The following KCTD1 variants were observed in gnomAD, a reference collection of about 807,000 sequenced individuals.
The protein encoded by KCTD1 is BTB/POZ domain-containing protein KCTD1.
KCTD1 carries 24 observed loss-of-function variants against 66.0 expected under a neutral mutation model. The ratio of observed to expected loss-of-function variants is 0.36; its 90% CI spans 0.26 to 0.51. KCTD1 has a LOEUF of 0.51. KCTD1 is among the 20% of genes least tolerant of loss of function. KCTD1 has a pLI of 0.95. For missense variants in KCTD1, 943 were observed against 1,205.2 expected (o/e 0.78, Z 3.22); for synonymous variants, 511 against 517.2 (o/e 0.99, Z 0.16).
At chr18:26,533,646 GTGCCACCA>G (rs1984552232) in intron 1 of KCTD1, among the ~76,000 whole-genome samples, 1 of 152,038 alleles carries the variant, frequency 6.6e-6, no homozygotes, top group South Asian at 2.1e-4. Flanking sequence ...CTACAGGCAT[GTGCCACCA>G]TGCTGGGCTA....
intron 1 of KCTD1, among the ~76,000 whole-genome samples, chr18:26,607,105 G>T (rs1433193471): frequency 1.3e-5 from 2 of 152,146 alleles, no homozygotes; most frequent in Non-Finnish European, 2.9e-5. Context: ...CACAATCATA[G>T]CTCACTGTCA....
At chr18:26,585,764 C>A (rs901216788) in intron 1 of KCTD1, among the ~76,000 whole-genome samples, 1 of 151,968 alleles carries the variant, frequency 6.6e-6, no homozygotes, top group Non-Finnish European at 1.5e-5. Context: ...TAATAAGCAC[C>A]CTTTGGACAG....
intron 1 of KCTD1, among the ~76,000 whole-genome samples, chr18:26,539,732 T>C (rs773865484): frequency 8.5e-5 from 13 of 152,194 alleles, no homozygotes; most frequent in Non-Finnish European, 1.5e-4. Flanking sequence ...AATGTGGAAA[T>C]AATTCATGTT....
At chr18:26,552,412 A>G (rs1192227616), upstream of KCTD1, among the ~76,000 whole-genome samples, 1 of 152,246 alleles carries the variant, frequency 6.6e-6, no homozygotes. Flanking sequence ...GCCTGGGGAC[A>G]TGGTGAGCAC....
chr18:26,620,348 TAAAAAAAAAAAAA>T (rs10594272), intron 1 of KCTD1, among the ~76,000 whole-genome samples: 27 of 87,204 alleles, frequency 3.1e-4, no homozygotes, highest in African/African-American at 1.2e-3. Context: ...AGGTAAATCT[TAAAAAAAAAAAAA>T]AAAAAAAAAA....
chr18:26,572,128 C>A (rs558230926), intron 1 of KCTD1, among the ~76,000 whole-genome samples: 1 of 150,802 alleles, frequency 6.6e-6, no homozygotes, highest in Non-Finnish European at 1.5e-5. Flanking sequence ...GGCTCAATCT[C>A]GGTTCACTGC....
chr18:26,533,491 T>A (rs912078948), intron 1 of KCTD1, among the ~76,000 whole-genome samples: 1 of 152,162 alleles, frequency 6.6e-6, no homozygotes, highest in African/African-American at 2.4e-5. Context: ...TTGGATGAGA[T>A]CTTTTCTAGC....
intron 1 of KCTD1, among the ~76,000 whole-genome samples, chr18:26,654,752 T>C (rs1188063413): frequency 6.6e-6 from 1 of 152,210 alleles, no homozygotes; most frequent in Non-Finnish European, 1.5e-5. Context: ...CCAATGAAGT[T>C]TTCTCCGTGA....
chr18:26,504,799 T>C (rs3893676), intron 1 of KCTD1, among the ~76,000 whole-genome samples: 11,424 of 152,290 alleles, frequency 0.075, 505 homozygotes, highest in Middle Eastern at 0.13. Context: ...AGATGTTTCA[T>C]CTAACACAAT....
At chr18:26,545,445 C>T (rs1357787092) in intron 1 of KCTD1, 1 of 152,182 alleles carries the variant, frequency 6.6e-6, no homozygotes, top group African/African-American at 2.4e-5. Flanking sequence ...TATTACCACT[C>T]GCAGCCCCTT....
chr18:26,527,171 C>T (rs1984202863), intron 1 of KCTD1, among the ~76,000 whole-genome samples: 1 of 152,122 alleles, frequency 6.6e-6, no homozygotes, highest in Non-Finnish European at 1.5e-5. Flanking sequence ...GACTGGCCCT[C>T]TGCAAGGTGG....
At chr18:26,656,545 A>G (rs926318555) in intron 1 of KCTD1, among the ~76,000 whole-genome samples, 1 of 151,736 alleles carries the variant, frequency 6.6e-6, no homozygotes, top group Non-Finnish European at 1.5e-5. Context: ...CCGGCCGGCG[A>G]CGAAGAGCGC....
chr18:26,494,656 T>C (rs1175074191), intron 2 of KCTD1, among the ~76,000 whole-genome samples: 2 of 152,166 alleles, frequency 1.3e-5, no homozygotes, highest in South Asian at 2.1e-4. Context: ...TTTACCTATA[T>C]AACTGAGGAG....
Position 26,570,191 on chromosome 18 carries a change from A to AAAATATATAT in KCTD1, c.-16+58955_-16+58956insATATATATTT, listed in dbSNP as rs776923644. Among the ~76,000 whole-genome samples, 386 of 132,522 alleles carry AAAATATATAT rather than the reference A, an allele frequency of 2.9e-3. 4 individuals are homozygous for AAAATATATAT. The highest frequency in any genetic ancestry group is 5.3e-3 in the Admixed American group (67 of 12,536). 86.9% of individuals were successfully genotyped at this position (132,522 alleles called of 152,430 possible). A position where few individuals can be genotyped will look rare whatever the true frequency, so the allele number is the denominator to read the frequency against. On this transcript the variant is annotated intron_variant, in intron 1 of 4. Coordinates refer to the KCTD1 transcript ENST00000317932. Reference sequence around the variant, plus strand: ...ACAGAGCAAGACTCCATCTAAAAAAAATATATATATATATATATATATATG... The same window carrying AAAATATATAT: ...ACAGAGCAAGACTCCATCTAAAAAAAAAATATATATATATATATATATATATATATATATG...
intron 2 of KCTD1, among the ~76,000 whole-genome samples, chr18:26,480,685 T>TG (rs1329328547): frequency 6.6e-6 from 1 of 152,144 alleles, no homozygotes; most frequent in African/African-American, 2.4e-5. Flanking sequence ...GAGAACTGCC[T>TG]GAACCCGGGA....
rs1362733812 is a variant in KCTD1 at position 26,547,162 on chromosome 18, C to A, written c.1375G>T (p.Ala459Ser). ...ATGCCCGCGATGCTGTTGAGCGTGGCGATGGAGACGGCGCCGATGCAGTGG... is the reference window on the plus strand; with the variant it reads ...ATGCCCGCGATGCTGTTGAGCGTGGAGATGGAGACGGCGCCGATGCAGTGG... ...TNHCIGAVSI[A>S]TLNSIAGIGT... Residue 459 changes from alanine (A) to serine (S), a missense_variant, in exon 1 of 5, where the codon GCC becomes TCC. Ala to Ser is a moderately conservative substitution (Grantham distance 99). Around this residue, in one of 10 missense-constraint regions of KCTD1, gnomAD observed 79 missense variants for 133.9 expected, o/e 0.59. Transcript: ENST00000580059. 2 of 1,550,954 alleles carry A rather than the reference C, an allele frequency of 1.3e-6. No homozygotes were observed. Among genetic ancestry groups the A allele is most frequent in the African/African-American group, 1.4e-5 (1 of 73,042 alleles).
chr18:26,569,968 C>T (rs1240704042), intron 1 of KCTD1, among the ~76,000 whole-genome samples: 1 of 152,098 alleles, frequency 6.6e-6, no homozygotes, highest in African/African-American at 2.4e-5. Flanking sequence ...GGGTGGATCA[C>T]CTGAGGTCAG....
At chr18:26,616,879 C>G (rs1211080564) in intron 1 of KCTD1, among the ~76,000 whole-genome samples, 1 of 152,196 alleles carries the variant, frequency 6.6e-6, no homozygotes, top group Non-Finnish European at 1.5e-5. Flanking sequence ...TGGTGATGGA[C>G]AGAGACCTTG....
At position 26,476,180 on chromosome 18, in the gene KCTD1, G is replaced by A. The variant is rs940735237; in HGVS notation, c.2133+335C>T. 3.9e-5 allele frequency among the ~76,000 whole-genome samples: 6 copies of A among 152,128 alleles called. No individual in the cohort carries two copies. The highest frequency in any genetic ancestry group is 4.8e-5 in the African/African-American group (2 of 41,418). On this transcript the variant is annotated intron_variant, in intron 3 of 4. Transcript: ENST00000580059. The surrounding 1 kb of genome is among the most constrained non-coding windows in gnomAD (Gnocchi z 4.9). ...ATGTTTGCTTTCGATTTCTAGGGGC[G>A]GGGACGGGGAAGTCTTCATTAAGCT...
Sources: allele counts gnomAD v4.1 joint callset (sites outside exome capture counted in the v4.1 genomes callset), GRCh38; gene constraint gnomAD v4.1.1; regional missense constraint gnomAD v4.1.1; non-coding constraint Gnocchi (gnomAD v3.1); transcripts MANE v1.5; gene names NCBI Gene and HGNC (gene_info 2026-07-23, HGNC 2026-07-21).